The following NFATC1 variants were observed in gnomAD, a reference collection of about 807,000 sequenced individuals.
The protein encoded by NFATC1 is nuclear factor of activated T cells 1.
Under a neutral mutation model 76.0 loss-of-function variants are expected in NFATC1, and 22 were observed. The ratio of observed to expected loss-of-function variants is 0.29; its 90% confidence interval spans 0.21 to 0.41. The LOEUF is 0.41. Among genes scored for constraint, NFATC1 ranks in the 10% least tolerant of loss-of-function variants. The pLI, the probability that NFATC1 is intolerant of heterozygous loss-of-function variation, is 1.00. For missense variants in NFATC1, 1,357 were observed against 1,337.7 expected, an observed-to-expected ratio of 1.01 and a Z score of -0.23; for synonymous variants, 704 against 613.1, an observed-to-expected ratio of 1.15 and a Z score of -2.19.
At chr18:79,442,522 G>T (rs945603615) in intron 3 of NFATC1, among the ~76,000 whole-genome samples, 3 of 152,376 alleles carry the variant, frequency 2.0e-5, no homozygotes, top group Admixed American at 2.0e-4. Context: ...GGCTAGAAAA[G>T]TAGGGACCTG....
chr18:79,430,995 G>A (rs147425363), intron 2 of NFATC1, among the ~76,000 whole-genome samples: 240 of 152,312 alleles, frequency 1.6e-3, no homozygotes, highest in African/African-American at 5.4e-3. Context: ...CTGATACTGG[G>A]TGTCCATGCT....
At chr18:79,483,165 ACCTGGTTCCTGGGGTGTAATTCCAGCG>A (rs2089358372) in intron 8 of NFATC1, among the ~76,000 whole-genome samples, 23 of 75,480 alleles carry the variant, frequency 3.0e-4, no homozygotes, top group Admixed American at 4.6e-4. Flanking sequence ...TTCCAGCGTG[ACCTGGTTCCTGGGGTGTAATTCCAGCG>A]TGACCTGGTT....
At chr18:79,516,922 A>G (rs925882085) in intron 9 of NFATC1, among the ~76,000 whole-genome samples, 3 of 152,246 alleles carry the variant, frequency 2.0e-5, no homozygotes, top group Non-Finnish European at 4.4e-5. Flanking sequence ...CTAAATGTGT[A>G]TGTCAGATGG....
At chr18:79,472,367 G>A (rs2088822648) in intron 8 of NFATC1, among the ~76,000 whole-genome samples, 1 of 152,194 alleles carries the variant, frequency 6.6e-6, no homozygotes, top group Admixed American at 6.5e-5. Flanking sequence ...GGATCCGCCT[G>A]ATTGCAGACA....
intron 5 of NFATC1, 111 bp from the exon 6 acceptor site, chr18:79,451,565 C>T (rs1057289128): frequency 4.0e-5 from 50 of 1,238,772 alleles, no homozygotes; most frequent in East Asian, 3.7e-4. Context: ...CAGGTCGTGG[C>T]GGTGCTTGCT....
intron 9 of NFATC1, among the ~76,000 whole-genome samples, chr18:79,525,861 G>A (rs1021963178): frequency 3.3e-5 from 5 of 152,200 alleles, no homozygotes; most frequent in African/African-American, 7.2e-5. Flanking sequence ...CTTTGCAGAC[G>A]TCTTTTGTAG....
At chr18:79,397,847 G>T (rs2085059073) in intron 1 of NFATC1, among the ~76,000 whole-genome samples, 2 of 152,174 alleles carry the variant, frequency 1.3e-5, no homozygotes, top group African/African-American at 4.8e-5. Context: ...GTTTCCTACT[G>T]AAGAAAATAA....
intron 8 of NFATC1, among the ~76,000 whole-genome samples, chr18:79,477,585 G>A (rs532878466): frequency 3.1e-4 from 47 of 149,216 alleles, no homozygotes; most frequent in African/African-American, 8.7e-4. Flanking sequence ...AAGGGAGTCC[G>A]GGGCACTGTC....
intron 8 of NFATC1, among the ~76,000 whole-genome samples, chr18:79,477,081 C>T (rs73969675): frequency 6.6e-6 from 1 of 152,172 alleles, no homozygotes; most frequent in Non-Finnish European, 1.5e-5. Flanking sequence ...GATCTTGGCT[C>T]TGAACAAGGA....
chr18:79,476,549 G>A (rs1037067697), intron 8 of NFATC1, among the ~76,000 whole-genome samples: 1 of 152,196 alleles, frequency 6.6e-6, no homozygotes, highest in African/African-American at 2.4e-5. Context: ...GTGCTGTCCT[G>A]GCCCCGTCGC....
At chr18:79,494,089 C>A (rs903788033) in intron 9 of NFATC1, among the ~76,000 whole-genome samples, 3 of 152,242 alleles carry the variant, frequency 2.0e-5, no homozygotes, top group Non-Finnish European at 4.4e-5. Flanking sequence ...GTGCGCCAGG[C>A]AGCGTGTGGC....
chr18:79,508,782 CCTCTCTCCATCTCTCCGTCCATCTCTCT>C (rs773315495), intron 9 of NFATC1, among the ~76,000 whole-genome samples: 1 of 151,590 alleles, frequency 6.6e-6, no homozygotes, highest in African/African-American at 2.4e-5. Context: ...TTTCTCTGTC[CCTCTCTCCATCTCTCCGTCCATCTCTCT>C]CTCTCTCCAT....
intron 1 of NFATC1, among the ~76,000 whole-genome samples, chr18:79,409,613 A>C (rs187116872): frequency 1.3e-5 from 2 of 150,720 alleles, no homozygotes; most frequent in Admixed American, 1.3e-4. Flanking sequence ...CCATCTACCT[A>C]CTCTCCATCT....
At chr18:79,473,166 CAG>C (rs2088855895) in intron 8 of NFATC1, among the ~76,000 whole-genome samples, 1 of 152,256 alleles carries the variant, frequency 6.6e-6, no homozygotes, top group Non-Finnish European at 1.5e-5. Context: ...CAGGTCGCCA[CAG>C]GGGTGAGAAT....
chr18:79,491,199 G>T (rs1251647642), intron 9 of NFATC1, among the ~76,000 whole-genome samples: 3 of 152,180 alleles, frequency 2.0e-5, no homozygotes, highest in African/African-American at 7.2e-5. Context: ...CACCTCAGCA[G>T]CCACCCTGGG....
intron 1 of NFATC1, among the ~76,000 whole-genome samples, chr18:79,406,911 G>C (rs2085461248): frequency 6.6e-6 from 1 of 152,208 alleles, no homozygotes; most frequent in Admixed American, 6.5e-5. Flanking sequence ...GGCTGGCCTG[G>C]CACGGTCACC....
chr18:79,501,946 G>A (rs183225244), intron 9 of NFATC1, among the ~76,000 whole-genome samples: 1 of 152,280 alleles, frequency 6.6e-6, no homozygotes, highest in Admixed American at 6.5e-5. Context: ...GATTGATCTG[G>A]AGAATCAGTG....
intron 1 of NFATC1, among the ~76,000 whole-genome samples, chr18:79,401,074 A>G (rs1436894651): frequency 1.3e-5 from 2 of 148,792 alleles, no homozygotes; most frequent in African/African-American, 2.5e-5. Flanking sequence ...TGTGTCAGAA[A>G]TAAGGGTTTC....
intron 6 of NFATC1, among the ~76,000 whole-genome samples, chr18:79,460,500 C>T (rs1182631411): frequency 6.6e-6 from 1 of 152,194 alleles, no homozygotes; most frequent in Non-Finnish European, 1.5e-5. Context: ...GCCTGGAGCC[C>T]CCACTCTGCC....
Sources: allele counts gnomAD v4.1 joint callset (sites outside exome capture counted in the v4.1 genomes callset), GRCh38; gene constraint gnomAD v4.1.1; transcripts MANE v1.5; gene names NCBI Gene and HGNC (gene_info 2026-07-23, HGNC 2026-07-21).